The following LMAN2 variants were observed in gnomAD, a reference collection of about 807,000 sequenced individuals.
LMAN2 encodes vesicular integral-membrane protein VIP36.
In LMAN2, 22 loss-of-function variants were observed where a neutral mutation model predicts 39.3. The observed-to-expected ratio is 0.56, with a 90% CI of 0.40 to 0.80. LMAN2 has a LOEUF of 0.80. Ranked by LOEUF, LMAN2 falls within the 30% of genes least tolerant of loss-of-function variation. The pLI is 0.00. For synonymous variants in LMAN2, 207 were observed against 207.8 expected, an observed-to-expected ratio of 1.00 and a Z score of 0.03; for missense variants, 494 against 505.4, an observed-to-expected ratio of 0.98 and a Z score of 0.22.
intron 7 of LMAN2, 38 bp downstream of exon 7, chr5:177,334,246 C>T (rs578248084): frequency 9.5e-6 from 15 of 1,583,956 alleles, no homozygotes; most frequent in African/African-American, 4.0e-5. Context: ...TGGGTCAGGC[C>T]GCCCAGGCCC....
At chr5:177,349,281 C>T (rs1761686011) in intron 2 of LMAN2, among the ~76,000 whole-genome samples, 2 of 152,146 alleles carry the variant, frequency 1.3e-5, no homozygotes, top group Non-Finnish European at 1.5e-5. Context: ...AGGGAATGTT[C>T]GCCTGAGTGC....
At position 177,331,775 on chromosome 5, in the gene LMAN2, G is replaced by A. The variant is rs990557957; in HGVS notation, c.*311C>T. ...GTCCTCAGGAGCCCACCCCAGTGTGGTCCGGGGGACCCTCCAGTGTTCAAC... is the reference window on the plus strand; with the variant it reads ...GTCCTCAGGAGCCCACCCCAGTGTGATCCGGGGGACCCTCCAGTGTTCAAC... On this transcript the variant is annotated 3_prime_UTR_variant, in exon 8 of 8. Coordinates refer to ENST00000303127, the MANE Select transcript of LMAN2 (RefSeq NM_006816.3). 1 of 253,302 alleles carries A rather than the reference G, an allele frequency of 3.9e-6. No individual in the cohort carries two copies. The highest frequency in any genetic ancestry group is 5.0e-5 in the Admixed American group (1 of 19,832). 15.7% of individuals were successfully genotyped at this position (253,302 alleles called of 1,614,324 possible).
At chr5:177,344,935 A>AAGAAGAGAAG (rs368307169) in intron 2 of LMAN2, among the ~76,000 whole-genome samples, 7,544 of 151,882 alleles carry the variant, frequency 0.05, 612 homozygotes, top group African/African-American at 0.17. Flanking sequence ...AAAGAAGAGA[A>AAGAAGAGAAG]AGAAGAGAAG....
rs1470814838 is a variant in LMAN2, at chr5:177,351,201, C to T, written c.287G>A (p.Ser96Asn). The change falls in exon 2 of 8, where the codon AGC (serine) becomes AAC (asparagine). Residue 96 changes from serine (S) to asparagine (N), a missense_variant. Transcript: ENST00000303127. ...GTGGTTCCAGATAGAGCCCTCTTTG[C>T]TGCGCTCGTCAGGGGTCAGACGTAC... ...QYVRLTPDER[S>N]KEGSIWNHQP... 6.2e-7 allele frequency: 1 copy of T among 1,614,186 alleles called. No individual in the cohort carries two copies. The highest frequency in any genetic ancestry group is 8.5e-7 in the Non-Finnish European group (1 of 1,180,016).
chr5:177,337,341 C>G lies in LMAN2; in HGVS notation c.675+22G>C. 1 of 1,610,246 alleles carries G rather than the reference C, an allele frequency of 6.2e-7. No individual in the cohort carries two copies. Among genetic ancestry groups the G allele is most frequent in the African/African-American group, 1.3e-5 (1 of 75,050 alleles). ...CCAGCACAGGGCCACCAGCTGCCAC[C>G]CCCACCGCCTAGCCTGCTCACCGTC... On this transcript the variant is annotated intron_variant, in intron 5 of 7. Coordinates refer to ENST00000303127, the MANE Select transcript of LMAN2 (RefSeq NM_006816.3). The surrounding 1 kb of genome is among the most constrained non-coding windows in gnomAD (Gnocchi z 8.2).
rs1034976656 is a variant in LMAN2 at position 177,332,803 on chromosome 5, G to A, written c.911-557C>T. ...ATCCTGGGATGGGGCCCACTGGTAC[G>A]CTCCCTTGTACAGGCGGAGAGAAGA... is the stretch of plus-strand genomic sequence containing the variant. On this transcript the variant is annotated intron_variant, in intron 7 of 7. Transcript: ENST00000303127. The surrounding 1 kb of genome is among the most constrained non-coding windows in gnomAD (Gnocchi z 6.3). 6.6e-6 allele frequency among the ~76,000 whole-genome samples: 1 copy of A among 152,154 alleles called. No individual in the cohort carries two copies. The highest frequency in any genetic ancestry group is 2.4e-5 in the African/African-American group (1 of 41,426).
In LMAN2 at chr5:177,332,434, C is replaced by T. The variant is rs1023937455; in HGVS notation, c.911-188G>A. Among the ~76,000 whole-genome samples the T allele has an allele frequency of 6.6e-6, 1 of 152,142 alleles. No homozygotes were observed. The highest frequency in any genetic ancestry group is 2.4e-5 in the African/African-American group (1 of 41,432). On this transcript the variant is annotated intron_variant, in intron 7 of 7. Coordinates refer to ENST00000303127, the MANE Select transcript of LMAN2 (RefSeq NM_006816.3). The surrounding 1 kb of genome is among the most constrained non-coding windows in gnomAD (Gnocchi z 6.3). ...CCAGCCAGCTCTGCAGTCCCCAGGG[C>T]AGGGTGGGGCAGAGAGAGGACCAAG...
intron 2 of LMAN2, among the ~76,000 whole-genome samples, chr5:177,345,792 C>T (rs1275965940): frequency 7.1e-6 from 1 of 141,762 alleles, no homozygotes; most frequent in Non-Finnish European, 1.6e-5. Context: ...TTTTTTGAGA[C>T]AGTCTCGCTC....
Position 177,332,817 on chromosome 5 carries a change from G to T in LMAN2, c.911-571C>A, listed in dbSNP as rs1378376076. Among the ~76,000 whole-genome samples, 4 of 152,192 alleles carry T rather than the reference G, an allele frequency of 2.6e-5. No homozygotes were observed. The highest frequency in any genetic ancestry group is 9.6e-5 in the African/African-American group (4 of 41,452). On this transcript the variant is annotated intron_variant, in intron 7 of 7. Transcript: ENST00000303127. This position sits in a 1 kb window ranked among gnomAD's most constrained non-coding sequence, Gnocchi z 6.3. Reference sequence around the variant, plus strand: ...CCCACTGGTACGCTCCCTTGTACAGGCGGAGAGAAGACACTGACTTTCCCA... The same window carrying T: ...CCCACTGGTACGCTCCCTTGTACAGTCGGAGAGAAGACACTGACTTTCCCA...
intron 2 of LMAN2, among the ~76,000 whole-genome samples, chr5:177,347,796 C>A (rs1253865864): frequency 2.0e-5 from 3 of 152,056 alleles, no homozygotes; most frequent in Non-Finnish European, 4.4e-5. Flanking sequence ...AAAAGAAGAT[C>A]AAAATATTCA....
chr5:177,334,702 A>C (rs908091968), intron 6 of LMAN2: 6 of 324,094 alleles, frequency 1.9e-5, no homozygotes, highest in Non-Finnish European at 3.5e-5. Context: ...CATGTAGAGG[A>C]GTGATGATCT....
intron 2 of LMAN2, among the ~76,000 whole-genome samples, chr5:177,347,773 G>A (rs550589065): frequency 2.0e-5 from 3 of 152,250 alleles, no homozygotes; most frequent in Admixed American, 6.5e-5. Context: ...GCATGACGTT[G>A]GGTTTATAAA....
chr5:177,345,735 G>GCATTCATT (rs1491426548), intron 2 of LMAN2, among the ~76,000 whole-genome samples: 12 of 110,360 alleles, frequency 1.1e-4, no homozygotes, highest in East Asian at 7.8e-4. Context: ...GCCATGGCAT[G>GCATTCATT]CATTTATTTA....
chr5:177,349,184 AACTCTGAGCC>A (rs968838517), intron 2 of LMAN2, among the ~76,000 whole-genome samples: 1 of 152,138 alleles, frequency 6.6e-6, no homozygotes, highest in African/African-American at 2.4e-5. Context: ...AGTTCTAGTC[AACTCTGAGCC>A]ACTCCTTCAT....
At position 177,337,907 on chromosome 5, in the gene LMAN2, G is replaced by A. The variant is rs565793625; in HGVS notation, c.434-122C>T. The A allele has an allele frequency of 1.3e-5, 10 of 763,422 alleles. No individual in the cohort carries two copies. Among genetic ancestry groups the A allele is most frequent in the African/African-American group, 7.0e-5 (4 of 57,258 alleles). The allele number at this position is 763,422 out of a possible 1,614,324, so 47.3% of individuals were successfully genotyped here. On this transcript the variant is annotated intron_variant, in intron 3 of 7. Transcript: ENST00000303127. This position sits in a 1 kb window ranked among gnomAD's most constrained non-coding sequence, Gnocchi z 8.2. ...GAGCCCAACCCACTGGCCATTCACC[G>A]AGAGAGAAGGGATCGTGAAAGGAGA...
At chr5:177,343,594 C>CACGGAATGTGGTCTA (rs1761591309) in intron 2 of LMAN2, among the ~76,000 whole-genome samples, 2 of 117,268 alleles carry the variant, frequency 1.7e-5, no homozygotes, top group South Asian at 2.3e-4. Context: ...CACACACACA[C>CACGGAATGTGGTCTA]GAATATTACT....
chr5:177,351,119 G>A, intron 2 of LMAN2, 54 bp downstream of exon 2: 1 of 1,504,024 alleles, frequency 6.6e-7, no homozygotes, highest in Middle Eastern at 1.7e-4. Flanking sequence ...TGCTCGGGAG[G>A]CAGGGACTAG....
Position 177,332,111 on chromosome 5 carries a change from T to C in LMAN2, c.1046A>G (p.Gln349Arg). Residue 349 changes from glutamine (Q) to arginine (R), a missense_variant, in exon 8 of 8, where the codon CAG becomes CGG. Transcript: ENST00000303127. The surrounding 1 kb of genome is among the most constrained non-coding windows in gnomAD (Gnocchi z 6.3). Reference protein sequence around the residue: ...VVGAVVFQKRQERNKRFY With the variant: ...VVGAVVFQKRRERNKRFY Reference sequence around the variant, plus strand: ...TCAGTAGAAGCGCTTGTTCCGCTCCTGCCGCTTCTGGAACACCACGGCCCC... The same window carrying C: ...TCAGTAGAAGCGCTTGTTCCGCTCCCGCCGCTTCTGGAACACCACGGCCCC... 1 of 1,613,248 alleles carries C rather than the reference T, an allele frequency of 6.2e-7. No homozygotes were observed. Among genetic ancestry groups the C allele is most frequent in the Non-Finnish European group, 8.5e-7 (1 of 1,179,832 alleles).
At chr5:177,333,644 C>T (rs991904299) in intron 7 of LMAN2, among the ~76,000 whole-genome samples, 3 of 152,232 alleles carry the variant, frequency 2.0e-5, no homozygotes, top group South Asian at 2.1e-4. Context: ...ACTGGCTGGA[C>T]CCCCAGGCAC....
Sources: allele counts gnomAD v4.1 joint callset (sites outside exome capture counted in the v4.1 genomes callset), GRCh38; gene constraint gnomAD v4.1.1; non-coding constraint Gnocchi (gnomAD v3.1); transcripts MANE v1.5; gene names NCBI Gene and HGNC (gene_info 2026-07-23, HGNC 2026-07-21).